ZBBX: variants seen among roughly 807,000 people sequenced by gnomAD.
The protein encoded by ZBBX is zinc finger B-box domain-containing protein 1.
In ZBBX, 101 loss-of-function variants were observed where a neutral mutation model predicts 108.5. The observed-to-expected ratio is 0.93, with a 90% confidence interval of 0.79 to 1.10. The LOEUF is 1.10. Among genes scored for constraint, ZBBX ranks in the 50% least tolerant of loss-of-function variants. The pLI is 0.00. For missense variants in ZBBX, 1,009 were observed against 941.4 expected (o/e 1.07, Z -0.94); for synonymous variants, 356 against 323.4 (o/e 1.10, Z -1.08).
chr3:167,234,427 T>C, the ZBBX span, among the ~76,000 whole-genome samples: 3 of 151,880 alleles, frequency 2.0e-5, no homozygotes, highest in Non-Finnish European at 4.4e-5. Flanking sequence ...GTGGAATGTG[T>C]TTTGAGAAAT....
At chr3:167,330,867 G>GAA (rs1200423370) in intron 10 of ZBBX, among the ~76,000 whole-genome samples, 4,596 of 81,796 alleles carry the variant, frequency 0.056, 150 homozygotes, top group Middle Eastern at 0.11. Flanking sequence ...AGGAGGAGGA[G>GAA]GAGGAGAAGA....
At chr3:167,251,925 A>AACAC (rs3221849) in intron 20 of ZBBX, among the ~76,000 whole-genome samples, 4,228 of 143,764 alleles carry the variant, frequency 0.029, 87 homozygotes, top group African/African-American at 0.049. Context: ...TTGTGCCTGC[A>AACAC]ACACACACAC....
At chr3:167,374,803 T>C (rs1746693107) in intron 2 of ZBBX, among the ~76,000 whole-genome samples, 2 of 152,056 alleles carry the variant, frequency 1.3e-5, no homozygotes, top group African/African-American at 4.8e-5. Context: ...AAAGAGAGAA[T>C]TCAGCTGGCT....
At chr3:167,263,731 C>T (rs2108434403) in intron 20 of ZBBX, among the ~76,000 whole-genome samples, 1 of 152,236 alleles carries the variant, frequency 6.6e-6, no homozygotes, top group East Asian at 1.9e-4. Context: ...CTATTAGGTC[C>T]AGTTGTTCTA....
chr3:167,276,017 A>T (rs1674532397), intron 20 of ZBBX, among the ~76,000 whole-genome samples: 1 of 152,146 alleles, frequency 6.6e-6, no homozygotes, highest in African/African-American at 2.4e-5. Flanking sequence ...CAGCAGGGGC[A>T]GACTGACACC....
chr3:167,192,525 G>GAAAGGGCAAGAGACCTACCAACC, the ZBBX span, among the ~76,000 whole-genome samples: 1 of 152,100 alleles, frequency 6.6e-6, no homozygotes, highest in Non-Finnish European at 1.5e-5. Context: ...TTATTTGCTT[G>GAAAGGGCAAGAGACCTACCAACC]TTTGCTCTTG....
chr3:167,303,667 G>T (rs968701566), intron 17 of ZBBX, among the ~76,000 whole-genome samples: 2 of 152,132 alleles, frequency 1.3e-5, no homozygotes, highest in African/African-American at 4.8e-5. Flanking sequence ...ATTCTAGATT[G>T]TTAGTCAGTT....
At chr3:167,251,925 A>AACACACACACACACAT (rs1722682780) in intron 20 of ZBBX, among the ~76,000 whole-genome samples, 2 of 143,724 alleles carry the variant, frequency 1.4e-5, no homozygotes, top group African/African-American at 5.3e-5. Context: ...TTGTGCCTGC[A>AACACACACACACACAT]ACACACACAC....
At chr3:167,329,165 A>G (rs945042601) in intron 10 of ZBBX, among the ~76,000 whole-genome samples, 1 of 152,234 alleles carries the variant, frequency 6.6e-6, no homozygotes, top group African/African-American at 2.4e-5. Context: ...CAAGCACACA[A>G]GAAAATGAAG....
intron 20 of ZBBX, among the ~76,000 whole-genome samples, chr3:167,245,466 G>T (rs1223238840): frequency 6.6e-6 from 1 of 151,900 alleles, no homozygotes; most frequent in Non-Finnish European, 1.5e-5. Flanking sequence ...CTCCATGCTT[G>T]CATCCCTTTA....
chr3:167,298,251 A>T, intron 18 of ZBBX, 54 bp downstream of exon 18: 1 of 1,383,816 alleles, frequency 7.2e-7, no homozygotes, highest in Non-Finnish European at 9.7e-7. Context: ...AGAATTGCTC[A>T]GTATTTCCTA....
At chr3:167,218,533 G>A in the ZBBX span, among the ~76,000 whole-genome samples, 16 of 152,090 alleles carry the variant, frequency 1.1e-4, no homozygotes, top group East Asian at 1.4e-3. Context: ...GTTTGTTTAC[G>A]CAATCACTCT....
intron 20 of ZBBX, among the ~76,000 whole-genome samples, chr3:167,279,867 C>A (rs2108514294): frequency 6.6e-6 from 1 of 152,216 alleles, no homozygotes; most frequent in African/African-American, 2.4e-5. Flanking sequence ...GCTACAGTAA[C>A]CAAAACAGCA....
chr3:167,246,298 C>A lies in ZBBX; in HGVS notation c.2255-3655G>T, dbSNP rs186931920. 5.3e-5 allele frequency among the ~76,000 whole-genome samples: 8 copies of A among 152,300 alleles called. No homozygotes were observed. The East Asian group carries it at 1.5e-3, about 29-fold the overall frequency. ...AAGCAAAAAGACTGTCATTCTATCT[C>A]TTTGTAATTTGGCTGCCTTTTCAAG... On this transcript the variant is annotated intron_variant, in intron 20 of 21. Coordinates refer to ENST00000675490, the MANE Select transcript of ZBBX (RefSeq NM_001199201.2).
At chr3:167,350,600 T>C in intron 8 of ZBBX, 85 bp from the exon 9 acceptor site, 1 of 965,014 alleles carries the variant, frequency 1.0e-6, no homozygotes, top group Non-Finnish European at 1.5e-6. Context: ...TGTCTTGTTT[T>C]TTAATATTTA....
intron 9 of ZBBX, among the ~76,000 whole-genome samples, chr3:167,341,500 TAAC>T (rs1740530163): frequency 6.6e-6 from 1 of 151,884 alleles, no homozygotes; most frequent in Non-Finnish European, 1.5e-5. Flanking sequence ...TCAGGAAACA[TAAC>T]AACATTGGAT....
the ZBBX span, among the ~76,000 whole-genome samples, chr3:167,227,292 A>C: frequency 6.6e-6 from 1 of 151,752 alleles, no homozygotes; most frequent in Non-Finnish European, 1.5e-5. Context: ...AGTGGAAAAG[A>C]AGCATCCAGA....
At chr3:167,217,886 TC>T in the ZBBX span, among the ~76,000 whole-genome samples, 1 of 129,834 alleles carries the variant, frequency 7.7e-6, no homozygotes, top group Non-Finnish European at 1.6e-5. Flanking sequence ...TCGCATGTTC[TC>T]ACTATTTTTT....
the ZBBX span, among the ~76,000 whole-genome samples, chr3:167,195,272 GT>G: frequency 9.9e-5 from 15 of 152,096 alleles, no homozygotes; most frequent in Middle Eastern, 3.2e-3. Flanking sequence ...TTCTCTGATG[GT>G]TTTTTTCTCA....
Sources: gnomAD v4.1 joint callset for allele counts (sites outside exome capture counted in the v4.1 genomes callset) on GRCh38, gnomAD v4.1.1 for gene constraint, MANE v1.5 for transcripts, NCBI Gene and HGNC (gene_info 2026-07-23, HGNC 2026-07-21) for gene names.